FRMD4A: variants seen among roughly 807,000 people sequenced by gnomAD.
FRMD4A encodes the protein FERM domain containing 4A, also known as FERM domain-containing protein 4A.
FRMD4A carries 29 observed loss-of-function variants against 129.1 expected under a neutral mutation model. The ratio of observed to expected loss-of-function variants is 0.22; its 90% CI spans 0.17 to 0.31. The LOEUF (loss-of-function observed/expected upper bound fraction) is 0.31. Among genes scored for constraint, FRMD4A ranks in the 10% least tolerant of loss-of-function variants. The pLI is 1.00. For missense variants in FRMD4A, 1,272 were observed against 1,375.8 expected, an observed-to-expected ratio of 0.92 and a Z score of 1.19; for synonymous variants, 634 against 571.6, an observed-to-expected ratio of 1.11 and a Z score of -1.56.
chr10:14,093,383 G>A (rs1024717362), intron 2 of FRMD4A, among the ~76,000 whole-genome samples: 1 of 152,146 alleles, frequency 6.6e-6, no homozygotes, highest in Non-Finnish European at 1.5e-5. Flanking sequence ...GGCTTTACCT[G>A]CTAGGAAAAC....
intron 2 of FRMD4A, among the ~76,000 whole-genome samples, chr10:14,194,589 C>T (rs1310960175): frequency 1.3e-5 from 2 of 152,006 alleles, no homozygotes; most frequent in South Asian, 2.1e-4. Context: ...CTCGCCTGGG[C>T]GACACAGCGA....
At position 14,330,740 on chromosome 10, in the gene FRMD4A, CGAG is replaced by C; in HGVS notation, c.-228_-226del. On this transcript the variant is annotated 5_prime_UTR_variant, in exon 1 of 25. Transcript: ENST00000357447. ...GATCAGCAAATGCCCTTACCATCCC[CGAG>C]GAGGAAGTCACTTAGGAACTGACCC... The C allele has an allele frequency of 2.5e-6, 1 of 398,856 alleles. No homozygotes were observed. The highest frequency in any genetic ancestry group is 4.4e-6 in the Non-Finnish European group (1 of 226,274). The allele number at this position is 398,856 out of a possible 1,614,324, so 24.7% of individuals were successfully genotyped here.
chr10:13,647,853 A>T (rs931426471), intron 24 of FRMD4A: 3 of 151,962 alleles, frequency 2.0e-5, no homozygotes, highest in Admixed American at 6.6e-5. Context: ...ACTAGGGATC[A>T]TGATTCGGAA....
intron 2 of FRMD4A, chr10:14,007,452 C>T (rs1458304853): frequency 6.6e-6 from 1 of 152,362 alleles, no homozygotes; most frequent in African/African-American, 2.4e-5. Context: ...ATTTTCTCTA[C>T]TAGGGGCTTC....
intron 3 of FRMD4A, among the ~76,000 whole-genome samples, chr10:13,820,353 A>G (rs1039270031): frequency 1.3e-5 from 2 of 152,078 alleles, no homozygotes; most frequent in African/African-American, 2.4e-5. Context: ...CTGCATTGAC[A>G]TTGGTGTTCT....
intron 2 of FRMD4A, among the ~76,000 whole-genome samples, chr10:13,962,293 A>G (rs1261029134): frequency 6.6e-6 from 1 of 152,250 alleles, no homozygotes; most frequent in Non-Finnish European, 1.5e-5. Context: ...GAGCCTCGTT[A>G]TGATACCATT....
intron 4 of FRMD4A, among the ~76,000 whole-genome samples, chr10:13,801,346 T>C (rs994994822): frequency 6.6e-6 from 1 of 152,222 alleles, no homozygotes; most frequent in Non-Finnish European, 1.5e-5. Flanking sequence ...CATGGAATAG[T>C]TGGCCTCTGA....
chr10:13,938,586 T>C (rs11258733), intron 2 of FRMD4A, among the ~76,000 whole-genome samples: 14,721 of 152,222 alleles, frequency 0.097, 791 homozygotes, highest in Middle Eastern at 0.18. Context: ...TCTGTTCTTC[T>C]ATTGCCTCAA....
chr10:14,128,041 T>C lies in FRMD4A; in HGVS notation c.45+202017A>G, dbSNP rs1225329281. ...CTTCCTTCCTTCCTTCCTTCCTTTC[T>C]TTCCCTCTTTCTTTCTTTCTTTCTT... On this transcript the variant is annotated intron_variant, in intron 2 of 24. Transcript: ENST00000357447. Among the ~76,000 whole-genome samples the C allele has an allele frequency of 3.7e-3, 436 of 117,278 alleles. 8 individuals carry two copies. The highest frequency in any genetic ancestry group is 7.2e-3 in the African/African-American group (220 of 30,366). The allele number at this position is 117,278 out of a possible 152,430, so 76.9% of individuals were successfully genotyped here. A position where few individuals can be genotyped will look rare whatever the true frequency, so the allele number is the denominator to read the frequency against.
At chr10:14,071,423 T>C (rs1225554628) in intron 2 of FRMD4A, among the ~76,000 whole-genome samples, 2 of 152,172 alleles carry the variant, frequency 1.3e-5, no homozygotes, top group African/African-American at 2.4e-5. Context: ...GCCCATGTTA[T>C]AGAGAAGCAT....
At chr10:13,780,869 G>A (rs1041721536) in intron 6 of FRMD4A, among the ~76,000 whole-genome samples, 1 of 152,166 alleles carries the variant, frequency 6.6e-6, no homozygotes, top group South Asian at 2.1e-4. Flanking sequence ...ATAGGGTCTC[G>A]AGGAGATATT....
chr10:13,885,555 C>T (rs1186735331), intron 2 of FRMD4A, among the ~76,000 whole-genome samples: 2 of 152,162 alleles, frequency 1.3e-5, no homozygotes, highest in Non-Finnish European at 2.9e-5. Flanking sequence ...ATCTAGATAC[C>T]CCCTTTCATT....
chr10:14,328,367 G>GTT (rs1843363397), intron 2 of FRMD4A, among the ~76,000 whole-genome samples: 21 of 73,634 alleles, frequency 2.9e-4, no homozygotes, highest in Admixed American at 2.8e-3. Context: ...TGTGTGTGTG[G>GTT]GTGGGGGGGG....
intron 2 of FRMD4A, among the ~76,000 whole-genome samples, chr10:14,296,842 A>T (rs967383863): frequency 6.6e-6 from 1 of 151,942 alleles, no homozygotes; most frequent in Non-Finnish European, 1.5e-5. Context: ...AGCGCATACA[A>T]CTCCCTTTCC....
chr10:13,770,197 T>C (rs1005695071), intron 6 of FRMD4A, among the ~76,000 whole-genome samples: 2 of 152,158 alleles, frequency 1.3e-5, no homozygotes, highest in Non-Finnish European at 2.9e-5. Context: ...ACAGGGGCTG[T>C]GGTGCAGGAT....
At chr10:14,176,045 C>T (rs1025739335) in intron 2 of FRMD4A, among the ~76,000 whole-genome samples, 1 of 152,126 alleles carries the variant, frequency 6.6e-6, no homozygotes, top group African/African-American at 2.4e-5. Context: ...TTAAACAATA[C>T]TTCTTATTTT....
chr10:14,071,763 T>C (rs972372979), intron 2 of FRMD4A, among the ~76,000 whole-genome samples: 6 of 152,096 alleles, frequency 3.9e-5, no homozygotes, highest in Admixed American at 1.3e-4. Context: ...TGCAGAAAGA[T>C]ACGCACTTAG....
intron 2 of FRMD4A, among the ~76,000 whole-genome samples, chr10:14,084,260 C>T (rs1836116803): frequency 6.6e-6 from 1 of 152,172 alleles, no homozygotes; most frequent in African/African-American, 2.4e-5. Flanking sequence ...GATTCTCTTC[C>T]CTCAGCCTCC....
intron 2 of FRMD4A, among the ~76,000 whole-genome samples, chr10:14,189,950 T>C (rs1021468465): frequency 2.6e-5 from 4 of 152,216 alleles, no homozygotes; most frequent in East Asian, 1.9e-4. Flanking sequence ...GCAAACTTCA[T>C]AGGGCGCTCT....
Sources: allele counts gnomAD v4.1 joint callset (sites outside exome capture counted in the v4.1 genomes callset), GRCh38; gene constraint gnomAD v4.1.1; transcripts MANE v1.5; gene names NCBI Gene and HGNC (gene_info 2026-07-23, HGNC 2026-07-21).